SOX13: variants seen among roughly 807,000 people sequenced by gnomAD.
SOX13 encodes the protein SRY-box transcription factor 13.
Under a neutral mutation model 71.8 loss-of-function variants are expected in SOX13, and 28 were observed. The observed-to-expected ratio is 0.39, with a 90% CI of 0.29 to 0.53. The LOEUF is 0.53. SOX13 is among the 20% of genes least tolerant of loss of function. The pLI is 0.70. For synonymous variants in SOX13, 309 were observed against 317.8 expected, an observed-to-expected ratio of 0.97 and a Z score of 0.29; for missense variants, 627 against 810.3, an observed-to-expected ratio of 0.77 and a Z score of 2.75.
chr1:204,124,029 G>C (rs2692019), intron 12 of SOX13, among the ~76,000 whole-genome samples: 1 of 152,160 alleles, frequency 6.6e-6, no homozygotes, highest in Non-Finnish European at 1.5e-5. Context: ...AGGAGTGTGC[G>C]TGTGTGTGTG....
At chr1:204,082,537 T>C (rs1307148680) in intron 1 of SOX13, among the ~76,000 whole-genome samples, 1 of 152,116 alleles carries the variant, frequency 6.6e-6, no homozygotes, top group African/African-American at 2.4e-5. Context: ...GTCAACTTTG[T>C]TTCCGGGGCA....
chr1:204,078,125 T>C (rs1205931461), intron 1 of SOX13: 1 of 152,406 alleles, frequency 6.6e-6, no homozygotes, highest in Non-Finnish European at 1.5e-5. Flanking sequence ...AATACCTTCC[T>C]CTTAGAACTG....
chr1:204,123,580 AG>A lies in SOX13; in HGVS notation c.1232-77del. ...CCTCAGTGCCTCCTGCTGGTCAAGT[AG>A]GGGACGTCTCTCTGCTGGCCCTGGG... is the stretch of plus-strand genomic sequence containing the variant. On this transcript the variant is annotated intron_variant, in intron 11 of 13. Transcript: ENST00000367204. The surrounding 1 kb of genome is among the most constrained non-coding windows in gnomAD (Gnocchi z 5.0). 1 of 1,478,278 alleles carries A rather than the reference AG, an allele frequency of 6.8e-7. No homozygotes were observed. The allele number at this position is 1,478,278 out of a possible 1,614,324, so 91.6% of individuals were successfully genotyped here. A position where few individuals can be genotyped will look rare whatever the true frequency, so the allele number is the denominator to read the frequency against.
chr1:204,086,025 A>ACCATG (rs1656011113), intron 1 of SOX13, among the ~76,000 whole-genome samples: 1 of 151,958 alleles, frequency 6.6e-6, no homozygotes, highest in Admixed American at 6.6e-5. Context: ...CCTTCTAGGC[A>ACCATG]GAGACACCAT....
chr1:204,103,702 G>A (rs1656403755), intron 1 of SOX13, among the ~76,000 whole-genome samples: 1 of 152,244 alleles, frequency 6.6e-6, no homozygotes, highest in Non-Finnish European at 1.5e-5. Context: ...CAGGAAGCCA[G>A]ATGTGCTCAC....
intron 4 of SOX13, chr1:204,116,196 G>A (rs1006816984): frequency 7.5e-7 from 1 of 1,329,802 alleles, no homozygotes; most frequent in East Asian, 4.3e-5. Flanking sequence ...ACCCTGTGTG[G>A]CGCTGAGCAC....
chr1:204,120,948 A>C (rs1396443290), intron 7 of SOX13, among the ~76,000 whole-genome samples: 1 of 144,676 alleles, frequency 6.9e-6, no homozygotes, highest in Non-Finnish European at 1.5e-5. Context: ...TTTTCTTCTT[A>C]TTTTTATTTT....
chr1:204,116,712 C>A, intron 5 of SOX13, 33 bp downstream of exon 5: 1 of 1,608,706 alleles, frequency 6.2e-7, no homozygotes. Flanking sequence ...AGCTTTCTTT[C>A]CAGGAAAAGG....
Position 204,122,333 on chromosome 1 carries a change from C to G in SOX13, c.958C>G (p.Pro320Ala). The change falls in exon 9 of 14, where the codon CCC (proline) becomes GCC (alanine). Residue 320 changes from proline to alanine, a missense_variant. Pro to Ala is a conservative substitution (Grantham distance 27, BLOSUM62 -1). Coordinates refer to ENST00000367204, the MANE Select transcript of SOX13 (RefSeq NM_005686.3). ...SPSLKMSSCV[P>A]RPPSHGGPTR... ...AAGCCTGAAGATGAGCAGCTGTGTGCCCCGCCCCCCCAGCCATGGAGGCCC... is the reference window on the plus strand; with the variant it reads ...AAGCCTGAAGATGAGCAGCTGTGTGGCCCGCCCCCCCAGCCATGGAGGCCC... 6.4e-7 allele frequency: 1 copy of G among 1,561,858 alleles called. No individual in the cohort carries two copies. The highest frequency in any genetic ancestry group is 8.7e-7 in the Non-Finnish European group (1 of 1,150,346).
rs971385848 is a variant in SOX13 at position 204,119,562 on chromosome 1, G to A, written c.775+1855G>A. On this transcript the variant is annotated intron_variant, in intron 7 of 13. Transcript: ENST00000367204. Reference sequence around the variant, plus strand: ...AGATTTCAACATAGGAATTGGGGTGGGGGAGGCACATTCAGACCATAGCAT... The same window carrying A: ...AGATTTCAACATAGGAATTGGGGTGAGGGAGGCACATTCAGACCATAGCAT... The A allele has an allele frequency of 5.3e-5, 8 of 152,166 alleles. 2 individuals carry two copies. In the East Asian group the frequency reaches 1.2e-3, roughly 22 times the overall value. 9.4% of individuals were successfully genotyped at this position (152,166 alleles called of 1,614,324 possible). A position where few individuals can be genotyped will look rare whatever the true frequency, so the allele number is the denominator to read the frequency against.
rs2102222242 is a variant in SOX13 at position 204,081,884 on chromosome 1, G to A, written c.-2+8173G>A. Reference sequence around the variant, plus strand: ...AGGGTGGGGTAGGGTGGGGAAAGAAGGGGGAATAAAATGTAGTGGGGAGGG... The same window carrying A: ...AGGGTGGGGTAGGGTGGGGAAAGAAAGGGGAATAAAATGTAGTGGGGAGGG... On this transcript the variant is annotated intron_variant, in intron 1 of 13. Coordinates refer to ENST00000367204, the MANE Select transcript of SOX13 (RefSeq NM_005686.3). This position sits in a 1 kb window ranked among gnomAD's most constrained non-coding sequence, Gnocchi z 4.3. Among the ~76,000 whole-genome samples the A allele has an allele frequency of 6.6e-6, 1 of 152,266 alleles. No homozygotes were observed. Among genetic ancestry groups the A allele is most frequent in the South Asian group, 2.1e-4 (1 of 4,832 alleles).
chr1:204,117,161 A>G lies in SOX13; in HGVS notation c.631A>G (p.Lys211Glu), dbSNP rs753425921. 2 of 1,613,968 alleles carry G rather than the reference A, an allele frequency of 1.2e-6. No homozygotes were observed. Among genetic ancestry groups the G allele is most frequent in the South Asian group, 1.1e-5 (1 of 91,084 alleles). The stretch of plus-strand genomic sequence containing the variant: ...GCAGCAGCTGATTCAGCAGCAGCAT[A>G]AGATCAACCTCCTTCAGCAGCAGAT... The part of the protein sequence containing the change: ...QQQQLIQQQH[K>E]INLLQQQIQQ... Residue 211 changes from lysine (K) to glutamate (E), a missense_variant, in exon 6 of 14, where the codon AAG becomes GAG. By Grantham distance (56) the Lys-to-Glu change is moderately conservative. Transcript: ENST00000367204.
In SOX13 at chr1:204,125,928, G is replaced by A; in HGVS notation, c.1663G>A (p.Ala555Thr). 6.2e-7 allele frequency: 1 copy of A among 1,613,608 alleles called. No individual in the cohort carries two copies. The change falls in exon 14 of 14, where the codon GCA becomes ACA. Residue 555 changes from alanine (A) to threonine (T), a missense_variant. Ala to Thr is a moderately conservative substitution (Grantham distance 58, BLOSUM62 0). Around this residue, in one of 3 missense-constraint regions of SOX13, gnomAD observed 148 missense variants for 192.7 expected, o/e 0.77. Coordinates refer to ENST00000367204, the MANE Select transcript of SOX13 (RefSeq NM_005686.3). The part of the protein sequence containing the change: ...LYPRAAGMPL[A>T]QPLVEHYVPR... ...CCCTCGGGCAGCAGGCATGCCGCTG[G>A]CACAGCCACTGGTGGAGCACTATGT...
At position 204,075,302 on chromosome 1, in the gene SOX13, G is replaced by T. The variant is rs1655763987; in HGVS notation, c.-2+1591G>T. On this transcript the variant is annotated intron_variant, in intron 1 of 13. Coordinates refer to ENST00000367204, the MANE Select transcript of SOX13 (RefSeq NM_005686.3). ...GACTCGTCCGACGCGGCGCCAGCCC[G>T]CTACCTCCCGCTCTCCCTCTCCCCC... Among the ~76,000 whole-genome samples, 3 of 152,258 alleles carry T rather than the reference G, an allele frequency of 2.0e-5. 1 individual carries two copies. Among genetic ancestry groups the T allele is most frequent in the Admixed American group, 1.3e-4 (2 of 15,298 alleles).
chr1:204,092,524 G>A (rs979879036), intron 1 of SOX13, among the ~76,000 whole-genome samples: 2 of 152,172 alleles, frequency 1.3e-5, no homozygotes, highest in Non-Finnish European at 2.9e-5. Flanking sequence ...TACAAAGTGG[G>A]AAAAGAATAA....
chr1:204,089,189 G>A (rs74981054), intron 1 of SOX13, among the ~76,000 whole-genome samples: 1 of 149,708 alleles, frequency 6.7e-6, no homozygotes, highest in Non-Finnish European at 1.5e-5. Context: ...GCATGGGGGG[G>A]TGGGGAAGAG....
At chr1:204,076,109 CT>C (rs1317001318) in intron 1 of SOX13, among the ~76,000 whole-genome samples, 1 of 152,152 alleles carries the variant, frequency 6.6e-6, no homozygotes, top group Non-Finnish European at 1.5e-5. Flanking sequence ...CCCTTCACAA[CT>C]TTTGTGAAAG....
Position 204,126,290 on chromosome 1 carries a change from G to A in SOX13, c.*156G>A, listed in dbSNP as rs181414192. The A allele has an allele frequency of 8.8e-5, 71 of 804,292 alleles. No homozygotes were observed. In the East Asian group the frequency reaches 1.8e-3, roughly 21 times the overall value. The allele number at this position is 804,292 out of a possible 1,614,324, so 49.8% of individuals were successfully genotyped here. A position where few individuals can be genotyped will look rare whatever the true frequency, so the allele number is the denominator to read the frequency against. Reference sequence around the variant, plus strand: ...GCACTTGCAGATACATTCATGAGGGGAGAGGCGCCCTCCCTTCCTGAGGAG... The same window carrying A: ...GCACTTGCAGATACATTCATGAGGGAAGAGGCGCCCTCCCTTCCTGAGGAG... On this transcript the variant is annotated 3_prime_UTR_variant, in exon 14 of 14. Transcript: ENST00000367204.
chr1:204,125,870 C>T lies in SOX13; in HGVS notation c.1605C>T (p.Gly535=), dbSNP rs773372927. Residue 535 remains glycine (G), a synonymous_variant, in exon 14 of 14, where the codon GGC becomes GGT. Coordinates refer to ENST00000367204, the MANE Select transcript of SOX13 (RefSeq NM_005686.3). ...RQSYVIPPQA[G]QVQMSSSDVL... is the part of the protein sequence containing the mutation. ...CTCTGCCCCACAGCCCGCAGGCTGG[C>T]CAGGTGCAGATGAGCTCCTCAGATG... The T allele has an allele frequency of 1.3e-5, 21 of 1,610,752 alleles. No individual in the cohort carries two copies. In the Admixed American group the frequency reaches 2.5e-4, roughly 19 times the overall value.
Sources: gnomAD v4.1 joint callset for allele counts (sites outside exome capture counted in the v4.1 genomes callset) on GRCh38, gnomAD v4.1.1 for gene constraint, gnomAD v4.1.1 regional missense constraint, Gnocchi (gnomAD v3.1) non-coding constraint, MANE v1.5 for transcripts, NCBI Gene and HGNC (gene_info 2026-07-23, HGNC 2026-07-21) for gene names.